Variants in FUNDC2 observed in about 807,000 individuals in gnomAD.
The protein encoded by FUNDC2 is FUN14 domain containing 2, also known as FUN14 domain-containing protein 2.
FUNDC2 carries 4 observed loss-of-function variants against 15.6 expected under a neutral mutation model. The ratio of observed to expected loss-of-function variants is 0.26; its 90% confidence interval spans 0.13 to 0.59. The LOEUF (loss-of-function observed/expected upper bound fraction) is 0.59. Ranked by LOEUF, FUNDC2 falls within the 20% of genes least tolerant of loss-of-function variation. The pLI is 0.90. For missense variants in FUNDC2, 98 were observed against 149.7 expected (o/e 0.65, Z 1.80); for synonymous variants, 44 against 56.9 (o/e 0.77, Z 1.02).
chrX:155,043,291 A>G (rs148282693), intron 2 of FUNDC2, among the ~76,000 whole-genome samples: 9,916 of 111,851 alleles, frequency 0.089, 490 homozygotes, highest in South Asian at 0.34. Flanking sequence ...ATTATGTGCA[A>G]TCTTTTCTCT....
intron 2 of FUNDC2, among the ~76,000 whole-genome samples, chrX:155,036,577 G>A (rs934679394): frequency 1.8e-5 from 2 of 111,697 alleles, no homozygotes; most frequent in African/African-American, 6.5e-5. Context: ...GGGTCACCAA[G>A]ATTTTCTCTC....
chrX:155,043,590 A>AT (rs2073853986), intron 2 of FUNDC2, among the ~76,000 whole-genome samples: 1 of 112,194 alleles, frequency 8.9e-6, no homozygotes, highest in African/African-American at 3.2e-5. Flanking sequence ...ATTAGGCTTT[A>AT]TTTAAAATGT....
At position 155,056,635 on chromosome X, in the gene FUNDC2, C is replaced by T. The variant is rs951436541; in HGVS notation, c.*1963C>T. 5 of 110,544 alleles carry T rather than the reference C, an allele frequency of 4.5e-5. No homozygotes were observed. The highest frequency in any genetic ancestry group is 9.4e-5 in the Non-Finnish European group (5 of 52,941). The allele number at this position is 110,544 out of a possible 1,213,427, so 9.1% of individuals were successfully genotyped here. On this transcript the variant is annotated 3_prime_UTR_variant, in exon 5 of 5. Transcript: ENST00000369498. ...CTTCCCCACACTCTGCCTCTCCTGA[C>T]ATCTGGGTCTCTGGGTTATGCCATA...
chrX:155,051,914 T>TA (rs1181248849), intron 4 of FUNDC2, 113 bp downstream of exon 4: 2 of 753,934 alleles, frequency 2.7e-6, no homozygotes, highest in Non-Finnish European at 3.8e-6. Context: ...ACAAAGAACT[T>TA]AGAGTAATGA....
At chrX:155,033,621 A>G in intron 2 of FUNDC2, 68 bp downstream of exon 2, 1 of 1,045,499 alleles carries the variant, frequency 9.6e-7, no homozygotes, top group Non-Finnish European at 1.3e-6. Flanking sequence ...AGGTACCATC[A>G]TCTCCTTTAA....
intron 2 of FUNDC2, among the ~76,000 whole-genome samples, chrX:155,041,622 G>T (rs1557289555): frequency 9.0e-6 from 1 of 110,800 alleles, no homozygotes; most frequent in Non-Finnish European, 1.9e-5. Context: ...TAGAATTCTA[G>T]ATTGACAGGG....
At chrX:155,050,717 CT>C (rs1479927193) in intron 3 of FUNDC2, 3 of 112,069 alleles carry the variant, frequency 2.7e-5, no homozygotes, top group Non-Finnish European at 5.6e-5. Flanking sequence ...TGAAGTTGAA[CT>C]TTTTCCTTTT....
chrX:155,047,298 G>A (rs941357173), intron 3 of FUNDC2: 1 of 340,741 alleles, frequency 2.9e-6, no homozygotes, highest in African/African-American at 2.7e-5. Flanking sequence ...ATTCTGCTGT[G>A]CTGTGGGAGC....
At chrX:155,042,654 A>G (rs782157076) in intron 2 of FUNDC2, among the ~76,000 whole-genome samples, 1 of 111,494 alleles carries the variant, frequency 9.0e-6, no homozygotes, top group South Asian at 3.7e-4. Flanking sequence ...TCCACAGTTC[A>G]TTAATACTGT....
chrX:155,028,942 G>A (rs2073805209), intron 1 of FUNDC2, among the ~76,000 whole-genome samples: 1 of 111,751 alleles, frequency 8.9e-6, no homozygotes, highest in African/African-American at 3.3e-5. Flanking sequence ...TATTGTGGCA[G>A]TTTGTATTTT....
At chrX:155,046,460 A>G (rs1557290046) in intron 2 of FUNDC2, 49 bp from the exon 3 acceptor site, 1 of 1,046,756 alleles carries the variant, frequency 9.6e-7, no homozygotes, top group African/African-American at 1.8e-5. Context: ...GCATGTTTGT[A>G]TGTAACTGAC....
rs782090282 is a variant in FUNDC2 at position 155,059,793 on chromosome X, TG to T, written c.*5123del. Reference sequence around the variant, plus strand: ...CGTATTCCCTAATGGAGGTGGATCCTGGTGAGAGGTGATTGGATCGTGGGGG... The same window carrying T: ...CGTATTCCCTAATGGAGGTGGATCCTGTGAGAGGTGATTGGATCGTGGGGG... On this transcript the variant is annotated 3_prime_UTR_variant, in exon 5 of 5. Coordinates refer to ENST00000369498, the MANE Select transcript of FUNDC2 (RefSeq NM_023934.4). 17 of 112,157 alleles carry T rather than the reference TG, an allele frequency of 1.5e-4. No individual in the cohort carries two copies. Among genetic ancestry groups the T allele is most frequent in the Non-Finnish European group, 2.8e-4 (15 of 53,224 alleles). The allele number at this position is 112,157 out of a possible 1,213,427, so 9.2% of individuals were successfully genotyped here.
chrX:155,038,087 C>A (rs980096396), intron 2 of FUNDC2, among the ~76,000 whole-genome samples: 15 of 108,107 alleles, frequency 1.4e-4, no homozygotes, highest in Admixed American at 9.9e-5. Context: ...ATTAGCCGGG[C>A]GTGGTGGTAT....
In FUNDC2 at chrX:155,057,243, A is replaced by C. The variant is rs782446798; in HGVS notation, c.*2571A>C. The C allele has an allele frequency of 1.8e-5, 2 of 111,785 alleles. No individual in the cohort carries two copies. The highest frequency in any genetic ancestry group is 3.8e-5 in the Non-Finnish European group (2 of 53,044). The allele number at this position is 111,785 out of a possible 1,213,427, so 9.2% of individuals were successfully genotyped here. On this transcript the variant is annotated 3_prime_UTR_variant, in exon 5 of 5. Transcript: ENST00000369498. ...CCTATTGTGCCAGCAGTTTTGTTTCAGGTGGTGAAGTGGGAGTTAAGGTTT... is the reference window on the plus strand; with the variant it reads ...CCTATTGTGCCAGCAGTTTTGTTTCCGGTGGTGAAGTGGGAGTTAAGGTTT...
Position 155,056,751 on chromosome X carries a change from CCCTT to C in FUNDC2, c.*2080_*2083del, listed in dbSNP as rs200591282. The C allele has an allele frequency of 0.01, 1,139 of 111,156 alleles. 6 individuals are homozygous for C. Among genetic ancestry groups the C allele is most frequent in the Middle Eastern group, 0.023 (5 of 216 alleles). 9.2% of individuals were successfully genotyped at this position (111,156 alleles called of 1,213,427 possible). On this transcript the variant is annotated 3_prime_UTR_variant, in exon 5 of 5. Transcript: ENST00000369498. ...CAAAGCTAACCAAAGTGCTCTGTGC[CCCTT>C]TGGGTTGCATGTGGGGAGACTGGCC... is the stretch of plus-strand genomic sequence containing the variant.
chrX:155,041,023 A>T (rs1342767098), intron 2 of FUNDC2, among the ~76,000 whole-genome samples: 2 of 112,112 alleles, frequency 1.8e-5, no homozygotes, highest in Non-Finnish European at 3.8e-5. Context: ...GATGAAGTCC[A>T]ATTTATTTTT....
intron 2 of FUNDC2, among the ~76,000 whole-genome samples, chrX:155,035,037 A>T (rs782714345): frequency 8.9e-6 from 1 of 112,158 alleles, no homozygotes; most frequent in South Asian, 3.7e-4. Flanking sequence ...TCTTTTGATG[A>T]ACTGAAGATC....
chrX:155,038,517 G>A (rs960068796), intron 2 of FUNDC2, among the ~76,000 whole-genome samples: 1 of 110,998 alleles, frequency 9.0e-6, no homozygotes, highest in Non-Finnish European at 1.9e-5. Flanking sequence ...TTCCCCAACC[G>A]CCCCACCCCA....
chrX:155,046,616 A>G (rs2073863447), intron 3 of FUNDC2, 32 bp downstream of exon 3: 6 of 1,078,475 alleles, frequency 5.6e-6, no homozygotes, highest in Non-Finnish European at 7.7e-6. Flanking sequence ...AGATGTTTGG[A>G]AATTCCACCT....
Sources: gnomAD v4.1 joint callset for allele counts (sites outside exome capture counted in the v4.1 genomes callset) on GRCh38, gnomAD v4.1.1 for gene constraint, MANE v1.5 for transcripts, NCBI Gene and HGNC (gene_info 2026-07-23, HGNC 2026-07-21) for gene names.